The following CADM2 variants were observed in gnomAD, a reference collection of about 807,000 sequenced individuals.
CADM2 encodes cell adhesion molecule 2, also known as immunoglobulin superfamily member 4D.
Under a neutral mutation model 49.8 loss-of-function variants are expected in CADM2, and 12 were observed. The observed-to-expected ratio is 0.24, with a 90% CI of 0.15 to 0.39. The LOEUF is 0.39. Ranked by LOEUF, CADM2 falls within the 10% of genes least tolerant of loss-of-function variation. The pLI, the probability that CADM2 is intolerant of heterozygous loss-of-function variation, is 1.00. For missense variants in CADM2, 378 were observed against 492.3 expected (o/e 0.77, Z 2.20); for synonymous variants, 214 against 175.4 (o/e 1.22, Z -1.74).
chr3:85,552,519 T>C (rs1281626946), intron 1 of CADM2, among the ~76,000 whole-genome samples: 1 of 151,450 alleles, frequency 6.6e-6, no homozygotes, highest in Non-Finnish European at 1.5e-5. Flanking sequence ...TAGCTGAGAC[T>C]ACAGGCGCCC....
chr3:85,004,559 G>A (rs114126339), intron 1 of CADM2, among the ~76,000 whole-genome samples: 2,466 of 152,222 alleles, frequency 0.016, 23 homozygotes, highest in Middle Eastern at 0.031. Flanking sequence ...TATGTGAGAT[G>A]CCTAACTGAG....
At chr3:85,131,137 C>A (rs1344435218) in intron 1 of CADM2, among the ~76,000 whole-genome samples, 2 of 152,042 alleles carry the variant, frequency 1.3e-5, no homozygotes, top group African/African-American at 4.8e-5. Context: ...CAAGATCGTG[C>A]CATTGCACTC....
intron 5 of CADM2, among the ~76,000 whole-genome samples, chr3:85,894,350 G>A (rs1019924683): frequency 4.6e-5 from 7 of 152,144 alleles, no homozygotes; most frequent in African/African-American, 1.7e-4. Flanking sequence ...CTGTTGTGGG[G>A]TAGGGGAAGT....
chr3:85,741,285 T>C (rs929651105), intron 2 of CADM2, among the ~76,000 whole-genome samples: 2 of 152,108 alleles, frequency 1.3e-5, no homozygotes, highest in East Asian at 3.9e-4. Context: ...GAAAATGCAT[T>C]AGTGCAAAGT....
intron 1 of CADM2, among the ~76,000 whole-genome samples, chr3:85,634,492 A>C (rs1299863502): frequency 6.6e-6 from 1 of 152,040 alleles, no homozygotes; most frequent in Non-Finnish European, 1.5e-5. Flanking sequence ...ATGAACTTTT[A>C]CATAGTGCCC....
At chr3:85,365,833 A>G (rs545593077) in intron 1 of CADM2, among the ~76,000 whole-genome samples, 6 of 152,308 alleles carry the variant, frequency 3.9e-5, no homozygotes, top group South Asian at 4.1e-4. Flanking sequence ...GAACATTCCT[A>G]TAATTGAAAT....
intron 2 of CADM2, among the ~76,000 whole-genome samples, chr3:85,784,568 A>G (rs2070865199): frequency 1.3e-5 from 2 of 149,790 alleles, no homozygotes; most frequent in African/African-American, 5.0e-5. Context: ...CTATCTATCT[A>G]TCTATCTATC....
At chr3:85,278,753 TG>T (rs2043421972) in intron 1 of CADM2, among the ~76,000 whole-genome samples, 2 of 137,434 alleles carry the variant, frequency 1.5e-5, no homozygotes, top group Non-Finnish European at 1.6e-5. Flanking sequence ...TGTGTGTGTG[TG>T]TGTGTGTTGG....
At chr3:85,449,729 C>A (rs1305309945) in intron 1 of CADM2, among the ~76,000 whole-genome samples, 4 of 151,968 alleles carry the variant, frequency 2.6e-5, no homozygotes, top group Non-Finnish European at 5.9e-5. Flanking sequence ...TCGTATTTCA[C>A]AAGAATATTA....
chr3:85,351,554 T>C (rs73845434), intron 1 of CADM2, among the ~76,000 whole-genome samples: 3,734 of 152,184 alleles, frequency 0.025, 121 homozygotes, highest in African/African-American at 0.077. Context: ...CTCAATTTGA[T>C]CTGGGAACAC....
At chr3:85,211,572 C>T (rs931410242) in intron 1 of CADM2, among the ~76,000 whole-genome samples, 7 of 151,964 alleles carry the variant, frequency 4.6e-5, no homozygotes, top group Non-Finnish European at 1.0e-4. Context: ...TACTAATTTC[C>T]ATATGTATGT....
intron 3 of CADM2, among the ~76,000 whole-genome samples, chr3:85,810,536 T>C (rs1225467097): frequency 2.5e-5 from 1 of 39,344 alleles, no homozygotes; most frequent in Non-Finnish European, 3.8e-5. Context: ...AATTCTGTTT[T>C]TTTTTTTTTT....
chr3:85,746,952 T>G (rs1240086468), intron 2 of CADM2, among the ~76,000 whole-genome samples: 1 of 152,134 alleles, frequency 6.6e-6, no homozygotes, highest in Non-Finnish European at 1.5e-5. Flanking sequence ...TTTCCTCTAA[T>G]TTTTGAATTT....
intron 1 of CADM2, among the ~76,000 whole-genome samples, chr3:85,504,303 G>C (rs1057512393): frequency 1.3e-5 from 2 of 152,106 alleles, no homozygotes; most frequent in East Asian, 1.9e-4. Flanking sequence ...GGCTTCAGGA[G>C]TGAAGCTGCA....
chr3:85,737,109 A>G (rs557079412), intron 2 of CADM2, among the ~76,000 whole-genome samples: 1 of 152,316 alleles, frequency 6.6e-6, no homozygotes, highest in African/African-American at 2.4e-5. Flanking sequence ...ACCTAGAATG[A>G]CAGTCCTGAT....
chr3:85,827,165 TA>T (rs753525099), intron 3 of CADM2, among the ~76,000 whole-genome samples: 11 of 151,950 alleles, frequency 7.2e-5, no homozygotes, highest in Non-Finnish European at 1.2e-4. Context: ...TAGGTTTCAT[TA>T]AGATGAATAA....
chr3:86,021,025 C>T (rs1733092067), intron 8 of CADM2, among the ~76,000 whole-genome samples: 1 of 152,100 alleles, frequency 6.6e-6, no homozygotes, highest in South Asian at 2.1e-4. Context: ...GAGTCTTATT[C>T]TGTCACCCAG....
At chr3:85,010,926 T>G (rs189391703) in intron 1 of CADM2, among the ~76,000 whole-genome samples, 2 of 129,898 alleles carry the variant, frequency 1.5e-5, no homozygotes, top group Non-Finnish European at 3.1e-5. Flanking sequence ...TGCAGTGGCG[T>G]GATCTCAGCT....
chr3:84,965,212 A>G (rs571292761), intron 1 of CADM2, among the ~76,000 whole-genome samples: 18 of 152,354 alleles, frequency 1.2e-4, no homozygotes, highest in African/African-American at 4.3e-4. Context: ...ATTCTGTTGT[A>G]TCAAGAAAGG....
Sources: gnomAD v4.1 joint callset for allele counts (sites outside exome capture counted in the v4.1 genomes callset) on GRCh38, gnomAD v4.1.1 for gene constraint, MANE v1.5 for transcripts, NCBI Gene and HGNC (gene_info 2026-07-23, HGNC 2026-07-21) for gene names.